The following NOX3 variants were observed in gnomAD, a reference collection of about 807,000 sequenced individuals.
NOX3 encodes NADPH oxidase 3, also known as NADPH oxidase catalytic subunit-like 3.
Under a neutral mutation model 76.7 loss-of-function variants are expected in NOX3, and 74 were observed. The ratio of observed to expected loss-of-function variants is 0.96; its 90% CI spans 0.80 to 1.17. NOX3 has a LOEUF of 1.17. Among genes scored for constraint, NOX3 ranks in the 50% most tolerant of loss-of-function variants. The pLI is 0.00. For synonymous variants in NOX3, 263 were observed against 261.1 expected (o/e 1.01, Z -0.07); for missense variants, 695 against 703.3 (o/e 0.99, Z 0.13).
At chr6:155,429,116 A>G in intron 8 of NOX3, 69 bp from the exon 9 acceptor site, 1 of 1,402,560 alleles carries the variant, frequency 7.1e-7, no homozygotes, top group Non-Finnish European at 9.4e-7. Flanking sequence ...TCATTCCATC[A>G]AAGGTGTTGA....
At chr6:155,400,757 G>A (rs1298432075) in intron 12 of NOX3, among the ~76,000 whole-genome samples, 1 of 151,668 alleles carries the variant, frequency 6.6e-6, no homozygotes, top group Non-Finnish European at 1.5e-5. Context: ...CCCTAACCAG[G>A]CTCACTGTTG....
In NOX3 at chr6:155,402,252, A is replaced by G. The variant is rs557118486; in HGVS notation, c.1580+4878T>C. On this transcript the variant is annotated intron_variant, in intron 12 of 13. Transcript: ENST00000159060. ...TATTTAATTAGCCTACTATATTTTAATTGGGAGAATAATTTTTAATGTTTT... is the reference window on the plus strand; with the variant it reads ...TATTTAATTAGCCTACTATATTTTAGTTGGGAGAATAATTTTTAATGTTTT... Among the ~76,000 whole-genome samples, 5 of 152,310 alleles carry G rather than the reference A, an allele frequency of 3.3e-5. No individual in the cohort carries two copies. The South Asian group carries it at 8.3e-4, about 25-fold the overall frequency.
intron 5 of NOX3, among the ~76,000 whole-genome samples, chr6:155,440,690 A>C (rs1013122847): frequency 5.8e-4 from 88 of 152,152 alleles, no homozygotes; most frequent in African/African-American, 1.9e-3. Context: ...AAACAAAAAA[A>C]AAAAAAACCA....
At chr6:155,440,532 T>C (rs1776970517) in intron 5 of NOX3, among the ~76,000 whole-genome samples, 1 of 152,010 alleles carries the variant, frequency 6.6e-6, no homozygotes, top group East Asian at 1.9e-4. Flanking sequence ...TCTCAGCTAC[T>C]CAGTAGGCTG....
At chr6:155,406,785 G>A (rs1776467154) in intron 12 of NOX3, among the ~76,000 whole-genome samples, 1 of 152,192 alleles carries the variant, frequency 6.6e-6, no homozygotes, top group African/African-American at 2.4e-5. Flanking sequence ...TGCTAGACAT[G>A]CTAGATAGTG....
chr6:155,428,368 GTC>G (rs1309269176), intron 9 of NOX3, among the ~76,000 whole-genome samples: 1 of 152,166 alleles, frequency 6.6e-6, no homozygotes, highest in African/African-American at 2.4e-5. Flanking sequence ...TATGACTTGG[GTC>G]TTTATAAGAA....
intron 12 of NOX3, among the ~76,000 whole-genome samples, chr6:155,404,739 C>T (rs1373806103): frequency 2.6e-5 from 4 of 152,168 alleles, no homozygotes; most frequent in Non-Finnish European, 5.9e-5. Flanking sequence ...GGTGTAAACA[C>T]TCCTGTTTCT....
At chr6:155,426,999 G>GTGTGTA (rs1554263759) in intron 9 of NOX3, among the ~76,000 whole-genome samples, 5 of 119,726 alleles carry the variant, frequency 4.2e-5, no homozygotes, top group Non-Finnish European at 8.9e-5. Flanking sequence ...GTGTGTGTGT[G>GTGTGTA]TGTGTGTGTG....
chr6:155,448,362 A>G (rs1456094212), intron 4 of NOX3, among the ~76,000 whole-genome samples: 1 of 152,156 alleles, frequency 6.6e-6, no homozygotes, highest in Non-Finnish European at 1.5e-5. Flanking sequence ...CTTGCAGTAA[A>G]TCCAACGCCA....
intron 9 of NOX3, among the ~76,000 whole-genome samples, chr6:155,427,487 A>G (rs573586714): frequency 7.9e-4 from 121 of 152,332 alleles, no homozygotes; most frequent in Non-Finnish European, 1.5e-3. Context: ...TTTCCTCTGT[A>G]CGCACTGCAT....
rs573043242 is a variant in NOX3, at chr6:155,428,969, A to T, written c.970T>A (p.Leu324Met). The change falls in exon 9 of 14, where the codon TTG becomes ATG. Residue 324 changes from leucine (L) to methionine (M), a missense_variant. Physicochemically the swap from Leu to Met is conservative, Grantham distance 15. Transcript: ENST00000159060. ...GFKMAPGQYI[L>M]VQCPAISSLE... is the part of the protein sequence containing the mutation. ...GAAGATATGGCTGGGCACTGCACCA[A>T]GATGTACTGCCCTGGCGCCATTTTA... The T allele has an allele frequency of 2.5e-6, 4 of 1,614,068 alleles. No individual in the cohort carries two copies. In the African/African-American group the frequency reaches 5.3e-5, roughly 22 times the overall value.
chr6:155,434,851 C>T (rs776742351), intron 7 of NOX3, among the ~76,000 whole-genome samples: 7 of 152,088 alleles, frequency 4.6e-5, no homozygotes, highest in Non-Finnish European at 1.0e-4. Flanking sequence ...CGTTATCTGT[C>T]CTAACACTGG....
chr6:155,452,964 T>G (rs1156591471), intron 4 of NOX3, among the ~76,000 whole-genome samples: 4 of 152,240 alleles, frequency 2.6e-5, no homozygotes, highest in African/African-American at 4.8e-5. Context: ...CTCACTATGA[T>G]TCAGAACTTG....
chr6:155,411,694 T>C (rs1776554214), intron 10 of NOX3, among the ~76,000 whole-genome samples: 1 of 152,198 alleles, frequency 6.6e-6, no homozygotes, highest in Non-Finnish European at 1.5e-5. Flanking sequence ...CTTTCACTGC[T>C]CCCAAAGGGG....
intron 13 of NOX3, among the ~76,000 whole-genome samples, chr6:155,396,102 C>T (rs575690282): frequency 1.3e-5 from 2 of 152,120 alleles, no homozygotes; most frequent in Non-Finnish European, 2.9e-5. Context: ...AAAAGAGTAA[C>T]AAGATGATGG....
intron 9 of NOX3, among the ~76,000 whole-genome samples, chr6:155,425,039 C>T (rs1776739611): frequency 1.3e-5 from 2 of 152,210 alleles, no homozygotes; most frequent in East Asian, 3.9e-4. Context: ...CTGCCACATT[C>T]CTGAGAGATG....
intron 7 of NOX3, 115 bp downstream of exon 7, chr6:155,436,303 A>AT: frequency 1.7e-6 from 2 of 1,183,062 alleles, no homozygotes; most frequent in Non-Finnish European, 2.5e-6. Flanking sequence ...CACACTTAAT[A>AT]AAGAGTTGGC....
chr6:155,449,521 C>T (rs766618046), intron 4 of NOX3, among the ~76,000 whole-genome samples: 15 of 152,096 alleles, frequency 9.9e-5, no homozygotes, highest in African/African-American at 2.9e-4. Context: ...AAGAATGCTC[C>T]GGCAGCTCTT....
rs948847878 is a variant in NOX3, at chr6:155,403,312, G to A, written c.1580+3818C>T. ...AAAGGGTGGTGCTAAGCTTTTGACC[G>A]AAGGCTTGTCTTTTCCCAGGGATCT... On this transcript the variant is annotated intron_variant, in intron 12 of 13. Coordinates refer to ENST00000159060, the MANE Select transcript of NOX3 (RefSeq NM_015718.3). Among the ~76,000 whole-genome samples, 7 of 152,140 alleles carry A rather than the reference G, an allele frequency of 4.6e-5. No homozygotes were observed. The South Asian group carries it at 6.2e-4, about 14-fold the overall frequency.
Sources: allele counts gnomAD v4.1 joint callset (sites outside exome capture counted in the v4.1 genomes callset), GRCh38; gene constraint gnomAD v4.1.1; transcripts MANE v1.5; gene names NCBI Gene and HGNC (gene_info 2026-07-23, HGNC 2026-07-21).